NSMAF: variants seen among roughly 807,000 people sequenced by gnomAD.
The protein encoded by NSMAF is protein FAN.
A neutral mutation model predicts 134.9 loss-of-function variants in NSMAF; 90 were observed. The observed-to-expected ratio is 0.67, with a 90% CI of 0.56 to 0.79. The LOEUF is 0.79. Ranked by LOEUF, NSMAF falls within the 30% of genes least tolerant of loss-of-function variation. The pLI is 0.00. For missense variants in NSMAF, 1,010 were observed against 1,119.0 expected (o/e 0.90, Z 1.39); for synonymous variants, 358 against 389.6 (o/e 0.92, Z 0.96).
intron 5 of NSMAF, among the ~76,000 whole-genome samples, 191 bp downstream of exon 5, chr8:58,634,998 C>T (rs1807137265): frequency 6.6e-6 from 1 of 152,210 alleles, no homozygotes; most frequent in African/African-American, 2.4e-5. Flanking sequence ...AGATATCACA[C>T]ACTTAATAAA....
intron 2 of NSMAF, among the ~76,000 whole-genome samples, chr8:58,636,309 T>G (rs1807173043): frequency 6.6e-6 from 1 of 152,182 alleles, no homozygotes; most frequent in Non-Finnish European, 1.5e-5. Flanking sequence ...TCCACAAATA[T>G]TTTAGCAAAA....
At chr8:58,600,625 A>C (rs1806258494) in intron 16 of NSMAF, among the ~76,000 whole-genome samples, 1 of 148,810 alleles carries the variant, frequency 6.7e-6, no homozygotes. Flanking sequence ...CTGTCTCAAA[A>C]AAAAAAAAAA....
chr8:58,601,825 G>C (rs181821805), intron 14 of NSMAF, among the ~76,000 whole-genome samples: 15 of 152,276 alleles, frequency 9.9e-5, no homozygotes, highest in African/African-American at 2.4e-4. Context: ...ATGCCTTCAT[G>C]AAAATAATTC....
chr8:58,659,687 C>T lies in NSMAF; in HGVS notation c.-56G>A. 1 of 1,320,474 alleles carries T rather than the reference C, an allele frequency of 7.6e-7. No homozygotes were observed. Among genetic ancestry groups the T allele is most frequent in the Non-Finnish European group, 9.8e-7 (1 of 1,024,566 alleles). The allele number at this position is 1,320,474 out of a possible 1,614,324, so 81.8% of individuals were successfully genotyped here. ...ACAGGCAGGCCCCGCCGCCGCCTGC[C>T]GAGGAGGTCCGGAGGAGCCGGGGAG... On this transcript the variant is annotated 5_prime_UTR_variant, in exon 1 of 31. Transcript: ENST00000038176.
rs143879961 is a variant in NSMAF, at chr8:58,625,519, C to T, written c.385-1739G>A. 3.2e-4 allele frequency among the ~76,000 whole-genome samples: 48 copies of T among 152,196 alleles called. 1 individual carries two copies. In the South Asian group the frequency reaches 9.5e-3, roughly 30 times the overall value. ...ATTATTTATCTTTCTGATAAATTGACCCTTTTATCATTACATAATATCCTT... is the reference window on the plus strand; with the variant it reads ...ATTATTTATCTTTCTGATAAATTGATCCTTTTATCATTACATAATATCCTT... On this transcript the variant is annotated intron_variant, in intron 6 of 30. Coordinates refer to ENST00000038176, the MANE Select transcript of NSMAF (RefSeq NM_003580.4).
intron 18 of NSMAF, 83 bp from the exon 19 acceptor site, chr8:58,599,446 A>T (rs1585732252): frequency 1.4e-6 from 2 of 1,440,190 alleles, no homozygotes; most frequent in East Asian, 4.6e-5. Flanking sequence ...ATGTATATAA[A>T]GCTTCTAGGA....
At chr8:58,617,435 A>G (rs1038198274) in intron 9 of NSMAF, among the ~76,000 whole-genome samples, 1 of 152,238 alleles carries the variant, frequency 6.6e-6, no homozygotes, top group Non-Finnish European at 1.5e-5. Flanking sequence ...AATATCCAGA[A>G]TCTACAAAGA....
At chr8:58,654,465 G>C (rs1243885880) in intron 1 of NSMAF, among the ~76,000 whole-genome samples, 1 of 152,076 alleles carries the variant, frequency 6.6e-6, no homozygotes, top group South Asian at 2.1e-4. Flanking sequence ...CAGGAGAATC[G>C]CTTGAACCCA....
chr8:58,632,834 C>G (rs1807085800), intron 5 of NSMAF, among the ~76,000 whole-genome samples: 1 of 152,176 alleles, frequency 6.6e-6, no homozygotes, highest in Admixed American at 6.5e-5. Flanking sequence ...GAAGCCTGCT[C>G]CTTCCCAACT....
chr8:58,594,486 G>A, intron 22 of NSMAF, 196 bp from the exon 23 acceptor site: 3 of 574,548 alleles, frequency 5.2e-6, no homozygotes, highest in Non-Finnish European at 9.3e-6. Context: ...CAACGCCTGT[G>A]GCTAGAAAAC....
At chr8:58,631,733 A>C (rs946164762) in intron 5 of NSMAF, among the ~76,000 whole-genome samples, 187 bp from the exon 6 acceptor site, 5 of 152,168 alleles carry the variant, frequency 3.3e-5, no homozygotes, top group African/African-American at 1.2e-4. Context: ...AATAACAAAT[A>C]TCAAATTAAA....
In NSMAF at chr8:58,586,578, T is replaced by A; in HGVS notation, c.2326A>T (p.Thr776Ser). 1 of 1,613,962 alleles carries A rather than the reference T, an allele frequency of 6.2e-7. No homozygotes were observed. The highest frequency in any genetic ancestry group is 8.5e-7 in the Non-Finnish European group (1 of 1,179,930). ...TCTTTGGTGCCGGAAACTAACAGTG[T>A]GCTTGCAGCATTTAAACTGATTGTA... ...VDTISLNAAS[T>S]LLVSGTKEGT... Residue 776 changes from threonine (T) to serine (S), a missense_variant, in exon 28 of 31, where the codon ACA (threonine) becomes TCA (serine). By Grantham distance (58) the Thr-to-Ser change is moderately conservative. Transcript: ENST00000038176.
At chr8:58,595,778 A>G in intron 21 of NSMAF, 119 bp from the exon 22 acceptor site, 2 of 665,578 alleles carry the variant, frequency 3.0e-6, no homozygotes, top group South Asian at 3.4e-5. Flanking sequence ...CCCTGTCACA[A>G]TATAACTGCT....
chr8:58,656,019 T>C (rs992153686), intron 1 of NSMAF, among the ~76,000 whole-genome samples: 6 of 151,122 alleles, frequency 4.0e-5, no homozygotes, highest in East Asian at 4.2e-4. Context: ...TCTAAATCTT[T>C]TTTTTGTTTG....
chr8:58,642,951 T>G, intron 2 of NSMAF, 33 bp downstream of exon 2: 2 of 1,475,882 alleles, frequency 1.4e-6, no homozygotes, highest in Non-Finnish European at 1.9e-6. Flanking sequence ...CAGAAAGGTT[T>G]GTTTGTCCAA....
In NSMAF at chr8:58,590,919, A is replaced by T; in HGVS notation, c.1967T>A (p.Met656Lys). The change falls in exon 24 of 31, where the codon ATG (methionine) becomes AAG (lysine). Residue 656 changes from methionine (M) to lysine (K), a missense_variant. Coordinates refer to ENST00000038176, the MANE Select transcript of NSMAF (RefSeq NM_003580.4). ...FTTSQDSTLK[M>K]FSKESKMLQR... ...TAGCATTTTTGATTCTTTAGAAAAC[A>T]TCTTCAAGGTGGAATCTAATTTAAT... 6.4e-7 allele frequency: 1 copy of T among 1,571,456 alleles called. No homozygotes were observed. The highest frequency in any genetic ancestry group is 8.7e-7 in the Non-Finnish European group (1 of 1,148,506).
intron 21 of NSMAF, among the ~76,000 whole-genome samples, chr8:58,596,404 A>T (rs142537914): frequency 6.6e-6 from 1 of 152,148 alleles, no homozygotes; most frequent in African/African-American, 2.4e-5. Flanking sequence ...CAGAGTGTCA[A>T]CCTCCTTCTG....
intron 23 of NSMAF, among the ~76,000 whole-genome samples, chr8:58,592,831 G>A (rs988021940): frequency 1.3e-5 from 2 of 151,652 alleles, no homozygotes; most frequent in African/African-American, 4.9e-5. Context: ...AGGTTGCAGT[G>A]AGCCAAGATC....
intron 1 of NSMAF, among the ~76,000 whole-genome samples, chr8:58,655,377 C>T (rs1807680165): frequency 6.6e-6 from 1 of 151,478 alleles, no homozygotes; most frequent in South Asian, 2.1e-4. Context: ...TAGTCTACTT[C>T]TAAATCATAA....
Sources: gnomAD v4.1 joint callset for allele counts (sites outside exome capture counted in the v4.1 genomes callset) on GRCh38, gnomAD v4.1.1 for gene constraint, MANE v1.5 for transcripts, NCBI Gene and HGNC (gene_info 2026-07-23, HGNC 2026-07-21) for gene names.